AGAP1: variants seen among roughly 807,000 people sequenced by gnomAD.
AGAP1 encodes arf-GAP with GTPase, ANK repeat and PH domain-containing protein 1.
Under a neutral mutation model 105.3 loss-of-function variants are expected in AGAP1, and 29 were observed. The ratio of observed to expected loss-of-function variants is 0.28; its 90% CI spans 0.21 to 0.38. AGAP1 has a LOEUF of 0.38. Ranked by LOEUF, AGAP1 falls within the 10% of genes least tolerant of loss-of-function variation. The pLI is 1.00. For synonymous variants in AGAP1, 509 were observed against 485.9 expected (o/e 1.05, Z -0.63); for missense variants, 998 against 1,165.1 (o/e 0.86, Z 2.09).
In AGAP1 at chr2:235,705,868, GCTTAATT is replaced by G. The variant is rs1362510035; in HGVS notation, c.164-3310_164-3304del. Among the ~76,000 whole-genome samples, 1 of 152,166 alleles carries G rather than the reference GCTTAATT, an allele frequency of 6.6e-6. No homozygotes were observed. On this transcript the variant is annotated intron_variant, in intron 1 of 17. Coordinates refer to ENST00000304032, the MANE Select transcript of AGAP1 (RefSeq NM_001037131.3). This position sits in a 1 kb window ranked among gnomAD's most constrained non-coding sequence, Gnocchi z 4.9. ...ATGCATCTTTGTTTAATGGAGCACT[GCTTAATT>G]TATAATGAATATTTTATATTGTTAG... is the stretch of plus-strand genomic sequence containing the variant.
At position 235,953,334 on chromosome 2, in the gene AGAP1, T is replaced by C. The variant is rs2053819477; in HGVS notation, c.1484-15128T>C. On this transcript the variant is annotated intron_variant, in intron 12 of 17. Coordinates refer to ENST00000304032, the MANE Select transcript of AGAP1 (RefSeq NM_001037131.3). The surrounding 1 kb of genome is among the most constrained non-coding windows in gnomAD (Gnocchi z 5.2). ...CCTTCTAACATAACAAAAGGTTACA[T>C]GTGATGGCCAAGGGAAAAGAAAACG... is the stretch of plus-strand genomic sequence containing the variant. 1.3e-5 allele frequency among the ~76,000 whole-genome samples: 2 copies of C among 152,340 alleles called. No individual in the cohort carries two copies. Among genetic ancestry groups the C allele is most frequent in the South Asian group, 4.1e-4 (2 of 4,824 alleles).
intron 1 of AGAP1, among the ~76,000 whole-genome samples, chr2:235,516,002 G>T (rs1190321378): frequency 6.6e-6 from 1 of 151,954 alleles, no homozygotes; most frequent in Non-Finnish European, 1.5e-5. Context: ...GTGACAGGTG[G>T]CTGGGTGCCT....
chr2:235,608,380 GA>G lies in AGAP1; in HGVS notation c.164-100798del, dbSNP rs1320069237. Among the ~76,000 whole-genome samples the G allele has an allele frequency of 5.9e-5, 9 of 152,316 alleles. No homozygotes were observed. The highest frequency in any genetic ancestry group is 1.7e-4 in the African/African-American group (7 of 41,574). On this transcript the variant is annotated intron_variant, in intron 1 of 17. Coordinates refer to ENST00000304032, the MANE Select transcript of AGAP1 (RefSeq NM_001037131.3). This position sits in a 1 kb window ranked among gnomAD's most constrained non-coding sequence, Gnocchi z 5.4. ...AACTCGCTGATTGGAGACTAGCTGA[GA>G]GGGCTTGGCTGGGATTCTGTGGGAT... is the stretch of plus-strand genomic sequence containing the variant.
chr2:235,850,141 G>A (rs920798079), intron 9 of AGAP1, among the ~76,000 whole-genome samples: 4 of 152,204 alleles, frequency 2.6e-5, no homozygotes, highest in East Asian at 1.9e-4. Flanking sequence ...GACAAATTCC[G>A]GCAAACCGTG....
chr2:235,657,014 G>A (rs2149332891), intron 1 of AGAP1, among the ~76,000 whole-genome samples: 1 of 152,308 alleles, frequency 6.6e-6, no homozygotes, highest in Non-Finnish European at 1.5e-5. Flanking sequence ...ATTGAAAAGT[G>A]GAAACCAGAG....
rs2057876948 is a variant in AGAP1, at chr2:236,050,920, C to T, written c.2114+1639C>T. 6.6e-6 allele frequency among the ~76,000 whole-genome samples: 1 copy of T among 152,152 alleles called. No homozygotes were observed. The highest frequency in any genetic ancestry group is 2.4e-5 in the African/African-American group (1 of 41,430). ...TTCATAAATGAAGATTGTGTGTGCA[C>T]AGGTATTTTGTAGTTCTAATTTGCA... On this transcript the variant is annotated intron_variant, in intron 16 of 17. Coordinates refer to ENST00000304032, the MANE Select transcript of AGAP1 (RefSeq NM_001037131.3). This position sits in a 1 kb window ranked among gnomAD's most constrained non-coding sequence, Gnocchi z 4.0.
At chr2:235,827,647 G>A (rs1959144434) in intron 9 of AGAP1, among the ~76,000 whole-genome samples, 1 of 152,176 alleles carries the variant, frequency 6.6e-6, no homozygotes. Flanking sequence ...TACCCTCTGA[G>A]CATGAGTCAC....
In AGAP1 at chr2:235,718,331, C is replaced by T. The variant is rs933883229; in HGVS notation, c.310+687C>T. On this transcript the variant is annotated intron_variant, in intron 3 of 17. Coordinates refer to ENST00000304032, the MANE Select transcript of AGAP1 (RefSeq NM_001037131.3). ...CTTTGTTAAATCCAACTCTGAGACA[C>T]TGAATTTCTGGTTCCTTCTTTTTCT... The T allele has an allele frequency of 2.6e-4, 254 of 979,006 alleles. 2 individuals are homozygous for T. Among genetic ancestry groups the T allele is most frequent in the Middle Eastern group, 5.2e-4 (1 of 1,928 alleles). 60.6% of individuals were successfully genotyped at this position (979,006 alleles called of 1,614,324 possible). A position where few individuals can be genotyped will look rare whatever the true frequency, so the allele number is the denominator to read the frequency against.
At chr2:235,607,186 G>GCC (rs35440037) in intron 1 of AGAP1, among the ~76,000 whole-genome samples, 8 of 151,900 alleles carry the variant, frequency 5.3e-5, no homozygotes, top group African/African-American at 1.9e-4. Flanking sequence ...CAAATCCAGA[G>GCC]CCCCCCCTTC....
Position 235,694,464 on chromosome 2 carries a change from G to A in AGAP1, c.164-14715G>A, listed in dbSNP as rs185936275. The stretch of plus-strand genomic sequence containing the variant: ...ACTGCACTCCAGCCTGGGCGACAGA[G>A]CGAGACTCTGTCTCAAAAAAAAAAA... On this transcript the variant is annotated intron_variant, in intron 1 of 17. Transcript: ENST00000304032. 5.5e-3 allele frequency among the ~76,000 whole-genome samples: 776 copies of A among 140,722 alleles called. 11 individuals are homozygous for A. The highest frequency in any genetic ancestry group is 0.02 in the African/African-American group (746 of 37,250). 92.3% of individuals were successfully genotyped at this position (140,722 alleles called of 152,430 possible).
rs560831533 is a variant in AGAP1 at position 235,532,935 on chromosome 2, C to T, written c.163+38086C>T. On this transcript the variant is annotated intron_variant, in intron 1 of 17. Coordinates refer to ENST00000304032, the MANE Select transcript of AGAP1 (RefSeq NM_001037131.3). Reference sequence around the variant, plus strand: ...TTTGTATGTTGGCAAATGGGGCTTTCGCTTTCCTTGGTTTGATTCTGTCAT... The same window carrying T: ...TTTGTATGTTGGCAAATGGGGCTTTTGCTTTCCTTGGTTTGATTCTGTCAT... Among the ~76,000 whole-genome samples the T allele has an allele frequency of 2.3e-4, 35 of 152,188 alleles. 1 individual carries two copies. In the South Asian group the frequency reaches 6.2e-3, roughly 27 times the overall value.
intron 8 of AGAP1, among the ~76,000 whole-genome samples, chr2:235,806,682 A>G (rs1436627680): frequency 1.3e-5 from 2 of 152,092 alleles, no homozygotes; most frequent in South Asian, 2.1e-4. Context: ...TTTTTGTGGT[A>G]TTGTCCACTA....
At chr2:235,871,966 T>C (rs951730142) in intron 9 of AGAP1, among the ~76,000 whole-genome samples, 1 of 152,212 alleles carries the variant, frequency 6.6e-6, no homozygotes, top group Non-Finnish European at 1.5e-5. Context: ...CCACGCTGGC[T>C]GTGCATGTTG....
chr2:235,671,732 G>A (rs991307809), intron 1 of AGAP1, among the ~76,000 whole-genome samples: 1 of 152,198 alleles, frequency 6.6e-6, no homozygotes, highest in Non-Finnish European at 1.5e-5. Context: ...TAGCAAAAGG[G>A]CAGGAAAACC....
chr2:235,614,627 T>A lies in AGAP1; in HGVS notation c.164-94552T>A, dbSNP rs1946246892. On this transcript the variant is annotated intron_variant, in intron 1 of 17. Coordinates refer to ENST00000304032, the MANE Select transcript of AGAP1 (RefSeq NM_001037131.3). This position sits in a 1 kb window ranked among gnomAD's most constrained non-coding sequence, Gnocchi z 4.7. ...CACCCAGGCCTGCAGGAGTGTGGGT[T>A]GGCTCTCTACCCCCGTTGCAGATTG... 6.6e-6 allele frequency among the ~76,000 whole-genome samples: 1 copy of A among 152,230 alleles called. No individual in the cohort carries two copies. The highest frequency in any genetic ancestry group is 2.4e-5 in the African/African-American group (1 of 41,466).
At chr2:235,862,649 G>A (rs187253145) in intron 9 of AGAP1, among the ~76,000 whole-genome samples, 1 of 152,362 alleles carries the variant, frequency 6.6e-6, no homozygotes, top group African/African-American at 2.4e-5. Flanking sequence ...ATGGCTGTTT[G>A]TCTGCATAAA....
At chr2:235,685,224 C>T (rs1227828347) in intron 1 of AGAP1, among the ~76,000 whole-genome samples, 4 of 151,988 alleles carry the variant, frequency 2.6e-5, no homozygotes, top group Non-Finnish European at 4.4e-5. Context: ...AGCCACAAGC[C>T]GCCTCCCTGA....
intron 1 of AGAP1, among the ~76,000 whole-genome samples, chr2:235,499,418 G>A (rs944341251): frequency 1.3e-5 from 2 of 152,226 alleles, no homozygotes; most frequent in Non-Finnish European, 2.9e-5. Context: ...TCTTCCTGCT[G>A]TGGATAAGTG....
At chr2:235,745,794 G>A (rs546549685) in intron 5 of AGAP1, among the ~76,000 whole-genome samples, 2 of 152,270 alleles carry the variant, frequency 1.3e-5, no homozygotes, top group East Asian at 1.9e-4. Flanking sequence ...GCTTGATCAC[G>A]AACCTACAAA....
Sources: gnomAD v4.1 joint callset for allele counts (sites outside exome capture counted in the v4.1 genomes callset) on GRCh38, gnomAD v4.1.1 for gene constraint, Gnocchi (gnomAD v3.1) non-coding constraint, MANE v1.5 for transcripts, NCBI Gene and HGNC (gene_info 2026-07-23, HGNC 2026-07-21) for gene names.